Variants in NOXO1 observed in about 807,000 individuals in gnomAD.
NOXO1 encodes the protein NADPH oxidase organizer 1, also known as NADPH oxidase regulatory protein.
A neutral mutation model predicts 33.3 loss-of-function variants in NOXO1; 38 were observed. The ratio of observed to expected loss-of-function variants is 1.14; its 90% CI spans 0.88 to 1.50. The LOEUF (loss-of-function observed/expected upper bound fraction) is 1.50. Ranked by LOEUF, NOXO1 falls within the 40% of genes most tolerant of loss-of-function variation. The probability of loss-of-function intolerance (pLI) is 0.00; values close to 1 mark genes in which losing one functional copy is unlikely to be tolerated. For missense variants in NOXO1, 675 were observed against 527.1 expected, an observed-to-expected ratio of 1.28 and a Z score of -2.75; for synonymous variants, 302 against 237.3, an observed-to-expected ratio of 1.27 and a Z score of -2.51.
chr16:1,980,265 C>T lies in NOXO1; in HGVS notation c.402-84G>A, dbSNP rs527577865. The T allele has an allele frequency of 7.3e-6, 11 of 1,516,218 alleles. No individual in the cohort carries two copies. The African/African-American group carries it at 9.5e-5, about 13-fold the overall frequency. The allele number at this position is 1,516,218 out of a possible 1,614,324, so 93.9% of individuals were successfully genotyped here. Reference sequence around the variant, plus strand: ...GCGCCACCCCGGCAAGACCGCCAGCCTCCCACTCTCTGCCCCTATTCGCTG... The same window carrying T: ...GCGCCACCCCGGCAAGACCGCCAGCTTCCCACTCTCTGCCCCTATTCGCTG... On this transcript the variant is annotated intron_variant, in intron 4 of 7. Coordinates refer to ENST00000356120, the MANE Select transcript of NOXO1 (RefSeq NM_172167.3).
In NOXO1 at chr16:1,979,429, A is replaced by G. The variant is rs1369232370; in HGVS notation, c.814T>C (p.Cys272Arg). ...CCCACGCCCGCTCCCGCGTACCTGC[A>G]TAGCCACCAGCCGCGGTCTGACGTT... ...LETSDRGWWL[C>R]RYGDRAGLLP... The change falls in exon 7 of 8, where the codon TGC (cysteine) becomes CGC (arginine). Residue 272 changes from cysteine to arginine, a missense_variant. Transcript: ENST00000356120. The G allele has an allele frequency of 6.8e-6, 11 of 1,608,672 alleles. No individual in the cohort carries two copies. The Admixed American group carries it at 1.5e-4, about 22-fold the overall frequency.
chr16:1,980,604 GC>G (rs2083485524), intron 3 of NOXO1, 51 bp downstream of exon 3: 6 of 1,589,602 alleles, frequency 3.8e-6, no homozygotes, highest in African/African-American at 1.3e-5. Context: ...GGTCCCTGGC[GC>G]CCCCAGGCAA....
chr16:1,980,375 T>G lies in NOXO1; in HGVS notation c.393A>C (p.Pro131=), dbSNP rs779292394. Residue 131 remains proline, a synonymous_variant, in exon 4 of 8, where the codon CCA becomes CCC. Coordinates refer to ENST00000356120, the MANE Select transcript of NOXO1 (RefSeq NM_172167.3). ...PQPLDLEPAL[P]PGSRVILPTP... The stretch of plus-strand genomic sequence containing the variant: ...TGGGGCGAGTCAGGCACCTGCCGGG[T>G]GGCAGCGCGGGCTCCAGGTCCAGGG... 1.9e-6 allele frequency: 3 copies of G among 1,600,532 alleles called. No individual in the cohort carries two copies. The highest frequency in any genetic ancestry group is 2.5e-6 in the Non-Finnish European group (3 of 1,178,902).
chr16:1,980,431 G>C lies in NOXO1; in HGVS notation c.337C>G (p.Pro113Ala). ...GGTGCGAAGAAGCCAGTGATCGTCG[G>C]GCTCCGTGCCACGCGCTCTGCAGTC... ...LATAERVARS[P>A]TITGFFAPQP... Residue 113 changes from proline to alanine, a missense_variant, in exon 4 of 8, where the codon CCG becomes GCG. Coordinates refer to ENST00000356120, the MANE Select transcript of NOXO1 (RefSeq NM_172167.3). 5.0e-6 allele frequency: 8 copies of C among 1,602,468 alleles called. No homozygotes were observed. Among genetic ancestry groups the C allele is most frequent in the Non-Finnish European group, 5.9e-6 (7 of 1,179,864 alleles).
chr16:1,980,511 C>T lies in NOXO1; in HGVS notation c.257G>A (p.Ser86Asn). ...APLLGRVGRT[S>N]RGLARLQLLE... ...CAGCTGCAGGCGCGCCAGGCCGCGG[C>T]TCGTGCGCCCCACGCGTCCCAACAG... The change falls in exon 4 of 8, where the codon AGC becomes AAC. Residue 86 changes from serine (S) to asparagine (N), a missense_variant. Coordinates refer to ENST00000356120, the MANE Select transcript of NOXO1 (RefSeq NM_172167.3). 1 of 1,603,240 alleles carries T rather than the reference C, an allele frequency of 6.2e-7. No homozygotes were observed. Among genetic ancestry groups the T allele is most frequent in the South Asian group, 1.1e-5 (1 of 90,886 alleles).
Position 1,978,994 on chromosome 16 carries a change from C to A in NOXO1, c.*58G>T, listed in dbSNP as rs2083434775. ...CTGCTGGCCAGGGAGATCCGCCCTC[C>A]CCGCTCCTCCCCAGCCCTGGGATGG... is the stretch of plus-strand genomic sequence containing the variant. On this transcript the variant is annotated 3_prime_UTR_variant, in exon 8 of 8. Transcript: ENST00000356120. The A allele has an allele frequency of 4.8e-6, 7 of 1,462,452 alleles. No homozygotes were observed. The South Asian group carries it at 7.7e-5, about 16-fold the overall frequency. 90.6% of individuals were successfully genotyped at this position (1,462,452 alleles called of 1,614,324 possible).
In NOXO1 at chr16:1,979,613, A is replaced by C. The variant is rs144135976; in HGVS notation, c.701-71T>G. ...GAGGCCCGCCCGCACCCTTCTCCAC[A>C]TTCTCCTTGCTTGAGTCTGCTGACG... On this transcript the variant is annotated intron_variant, in intron 6 of 7. Coordinates refer to ENST00000356120, the MANE Select transcript of NOXO1 (RefSeq NM_172167.3). The C allele has an allele frequency of 5.4e-4, 755 of 1,410,466 alleles. 10 individuals are homozygous for C. The East Asian group carries it at 0.017, about 31-fold the overall frequency. 87.4% of individuals were successfully genotyped at this position (1,410,466 alleles called of 1,614,324 possible).
At chr16:1,979,703 G>T in intron 6 of NOXO1, 87 bp downstream of exon 6, 1 of 1,242,418 alleles carries the variant, frequency 8.0e-7, no homozygotes, top group Non-Finnish European at 1.1e-6. Context: ...CGGGCTCCTG[G>T]CCCGCCCTGC....
In NOXO1 at chr16:1,979,801, A is replaced by G. The variant is rs2150888815; in HGVS notation, c.689T>C (p.Leu230Pro). Residue 230 changes from leucine (L) to proline (P), a missense_variant, in exon 6 of 8, where the codon CTA (leucine) becomes CCA (proline). Transcript: ENST00000356120. Reference sequence around the variant, plus strand: ...GGTTAGGCGCATACCGCTGCTCCCTAGGGACGGGCCTCCCTCCCGGCCTTG... The same window carrying G: ...GGTTAGGCGCATACCGCTGCTCCCTGGGGACGGGCCTCCCTCCCGGCCTTG... Reference protein sequence around the residue: ...PGQGREGGPSLGSSGPQFCAS... With the variant: ...PGQGREGGPSPGSSGPQFCAS... The G allele has an allele frequency of 6.4e-7, 1 of 1,555,104 alleles. No individual in the cohort carries two copies. The highest frequency in any genetic ancestry group is 8.7e-7 in the Non-Finnish European group (1 of 1,151,752).
intron 6 of NOXO1, 53 bp from the exon 7 acceptor site, chr16:1,979,595 G>A (rs2083456428): frequency 1.4e-6 from 2 of 1,461,386 alleles, no homozygotes; most frequent in Non-Finnish European, 1.9e-6. Flanking sequence ...GACGAGGCCC[G>A]CCCGCACCCT....
chr16:1,980,567 C>G, intron 3 of NOXO1, 23 bp from the exon 4 acceptor site: 1 of 1,596,978 alleles, frequency 6.3e-7, no homozygotes, highest in Non-Finnish European at 8.5e-7. Context: ...CAAAAACGTA[C>G]TGTGATACGC....
rs767484477 is a variant in NOXO1, at chr16:1,981,113, C to G, written c.66+1G>C. On this transcript the variant is annotated splice_donor_variant, in intron 1 of 7. Transcript: ENST00000356120. LOFTEE classifies it high-confidence loss of function. ...CCACTAAGGACCCAGCCAGGTCTTA[C>G]TTGGAGCCTCTTGATCTGCACCAGG... 6.2e-7 allele frequency: 1 copy of G among 1,613,430 alleles called. No individual in the cohort carries two copies.
rs1009378769 is a variant in NOXO1 at position 1,978,924 on chromosome 16, G to A, written c.*128C>T. 7.0e-6 allele frequency: 8 copies of A among 1,143,636 alleles called. No individual in the cohort carries two copies. The highest frequency in any genetic ancestry group is 5.5e-5 in the Admixed American group (2 of 36,176). 70.8% of individuals were successfully genotyped at this position (1,143,636 alleles called of 1,614,324 possible). A position where few individuals can be genotyped will look rare whatever the true frequency, so the allele number is the denominator to read the frequency against. Reference sequence around the variant, plus strand: ...ACGCTTAGACGGTGGGGGTCATGCAGAACAAGCTTTACTCAGAGGAACAGC... The same window carrying A: ...ACGCTTAGACGGTGGGGGTCATGCAAAACAAGCTTTACTCAGAGGAACAGC... On this transcript the variant is annotated 3_prime_UTR_variant, in exon 8 of 8. Transcript: ENST00000356120.
chr16:1,981,277 G>A lies in NOXO1; in HGVS notation c.-98C>T. 1.3e-6 allele frequency: 2 copies of A among 1,552,580 alleles called. No homozygotes were observed. The highest frequency in any genetic ancestry group is 1.7e-6 in the Non-Finnish European group (2 of 1,151,454). On this transcript the variant is annotated 5_prime_UTR_variant, in exon 1 of 8. Transcript: ENST00000356120. ...CTGGGGGACCCAGAAAACCCCCTGG[G>A]ATAGAATCCTGGCAACACCTCAAGC...
At position 1,979,272 on chromosome 16, in the gene NOXO1, C is replaced by G; in HGVS notation, c.896G>C (p.Gly299Ala). 6.5e-7 allele frequency: 1 copy of G among 1,547,850 alleles called. No individual in the cohort carries two copies. Among genetic ancestry groups the G allele is most frequent in the Non-Finnish European group, 8.7e-7 (1 of 1,154,554 alleles). Residue 299 changes from glycine to alanine, a missense_variant, in exon 8 of 8, where the codon GGG becomes GCG. Physicochemically the swap from Gly to Ala is moderately conservative, Grantham distance 60. Coordinates refer to ENST00000356120, the MANE Select transcript of NOXO1 (RefSeq NM_172167.3). ...EGLGALLSGT[G>A]FRGGDDPAGE... ...CGCCGGGTCGTCTCCTCCACGGAAC[C>G]CCGTCCCGCTCAGGAGAGCGCCCAG...
At position 1,979,309 on chromosome 16, in the gene NOXO1, G is replaced by A; in HGVS notation, c.859C>T (p.Arg287Trp). ...RAGLLPAVLL[R>W]PEGLGALLSG... The stretch of plus-strand genomic sequence containing the variant: ...AGGAGAGCGCCCAGCCCTTCCGGCC[G>A]CAGCAGCACCGCGGGGAGTAGGCCC... Residue 287 changes from arginine to tryptophan, a missense_variant, in exon 8 of 8, where the codon CGG (arginine) becomes TGG (tryptophan). Coordinates refer to ENST00000356120, the MANE Select transcript of NOXO1 (RefSeq NM_172167.3). The A allele has an allele frequency of 1.9e-6, 3 of 1,570,120 alleles. No homozygotes were observed. The highest frequency in any genetic ancestry group is 2.6e-6 in the Non-Finnish European group (3 of 1,165,672).
chr16:1,981,433 A>C lies in NOXO1; in HGVS notation c.-254T>G. The C allele has an allele frequency of 3.4e-6, 3 of 892,182 alleles. No homozygotes were observed. Among genetic ancestry groups the C allele is most frequent in the Non-Finnish European group, 4.9e-6 (3 of 614,298 alleles). The allele number at this position is 892,182 out of a possible 1,614,324, so 55.3% of individuals were successfully genotyped here. On this transcript the variant is annotated 5_prime_UTR_variant, in exon 1 of 8. Transcript: ENST00000356120. The stretch of plus-strand genomic sequence containing the variant: ...AGGCAGAGCTGCTGGGAGGAAGAAG[A>C]AGAATGAGCTTTCCAGCCCTGGAGG...
chr16:1,980,630 C>A (rs781627595), intron 3 of NOXO1, 26 bp downstream of exon 3: 1 of 1,597,684 alleles, frequency 6.3e-7, no homozygotes, highest in Non-Finnish European at 8.5e-7. Flanking sequence ...CCGCCTTCCC[C>A]GCTCCCGTAC....
chr16:1,979,610 C>T, intron 6 of NOXO1, 68 bp from the exon 7 acceptor site: 1 of 1,418,370 alleles, frequency 7.1e-7, no homozygotes, highest in Non-Finnish European at 9.8e-7. Flanking sequence ...CACCCTTCTC[C>T]ACATTCTCCT....
Sources: gnomAD v4.1 joint callset for allele counts on GRCh38, gnomAD v4.1.1 for gene constraint, MANE v1.5 for transcripts, NCBI Gene and HGNC (gene_info 2026-07-23, HGNC 2026-07-21) for gene names.